Variants in SOCS7 observed in about 807,000 individuals in gnomAD.
SOCS7 encodes the protein NAP-4.
In SOCS7, 18 loss-of-function variants were observed where a neutral mutation model predicts 58.9. The observed-to-expected ratio is 0.31, with a 90% CI of 0.21 to 0.45. The LOEUF is 0.45. Ranked by LOEUF, SOCS7 falls within the 20% of genes least tolerant of loss-of-function variation. SOCS7 has a pLI of 1.00. For synonymous variants in SOCS7, 388 were observed against 364.3 expected (o/e 1.06, Z -0.74); for missense variants, 667 against 837.3 (o/e 0.80, Z 2.51).
chr17:38,354,661 T>C (rs1314055376), intron 1 of SOCS7, among the ~76,000 whole-genome samples: 3 of 152,196 alleles, frequency 2.0e-5, no homozygotes, highest in Non-Finnish European at 4.4e-5. Flanking sequence ...TGTGGTAGGC[T>C]CTGTATTCGA....
Position 38,352,756 on chromosome 17 carries a change from C to T in SOCS7, c.704C>T (p.Pro235Leu), listed in dbSNP as rs916534357. Residue 235 changes from proline (P) to leucine (L), a missense_variant, in exon 1 of 10, where the codon CCT becomes CTT. Transcript: ENST00000612932. This position sits in a 1 kb window ranked among gnomAD's most constrained non-coding sequence, Gnocchi z 5.5. ...PVPFPLQDLVPLGRLSRGEQQ... is the reference protein window; with the variant it reads ...PVPFPLQDLVLLGRLSRGEQQ... ...CCCTTCCCGCTGCAGGACTTGGTCC[C>T]TCTGGGGCGCCTGAGTAGAGGGGAG... 6 of 1,549,910 alleles carry T rather than the reference C, an allele frequency of 3.9e-6. No homozygotes were observed. Among genetic ancestry groups the T allele is most frequent in the Admixed American group, 2.0e-5 (1 of 51,022 alleles).
chr17:38,360,571 G>A (rs982420391), intron 1 of SOCS7, among the ~76,000 whole-genome samples: 27 of 147,386 alleles, frequency 1.8e-4, no homozygotes, highest in Non-Finnish European at 3.3e-4. Context: ...ACGGAGTCTC[G>A]CTCTGTCGCC....
At chr17:38,378,957 A>G (rs1466931620) in intron 7 of SOCS7, among the ~76,000 whole-genome samples, 1 of 152,056 alleles carries the variant, frequency 6.6e-6, no homozygotes, top group Non-Finnish European at 1.5e-5. Context: ...CAGGAGTTCA[A>G]GACCAGGCTG....
chr17:38,368,816 C>T (rs1358063335), intron 6 of SOCS7, among the ~76,000 whole-genome samples: 1 of 152,180 alleles, frequency 6.6e-6, no homozygotes, highest in Non-Finnish European at 1.5e-5. Context: ...GTCACTTTCT[C>T]CCAGGCAGCA....
chr17:38,373,500 G>A (rs2037893344), intron 6 of SOCS7, among the ~76,000 whole-genome samples: 1 of 152,266 alleles, frequency 6.6e-6, no homozygotes. Context: ...GGGGTAGGCT[G>A]ACTCTCTGGT....
At chr17:38,365,229 C>T in intron 3 of SOCS7, 79 bp from the exon 4 acceptor site, 2 of 1,079,770 alleles carry the variant, frequency 1.9e-6, no homozygotes, top group East Asian at 4.9e-5. Context: ...CCTGATAGTC[C>T]TTCTCCCTCT....
At chr17:38,361,037 C>T (rs2144322705) in intron 1 of SOCS7, among the ~76,000 whole-genome samples, 1 of 152,348 alleles carries the variant, frequency 6.6e-6, no homozygotes, top group South Asian at 2.1e-4. Context: ...GGTTTTCAGA[C>T]TGGTTCCCTG....
At chr17:38,367,096 C>T (rs936631414) in intron 5 of SOCS7, among the ~76,000 whole-genome samples, 5 of 152,190 alleles carry the variant, frequency 3.3e-5, no homozygotes, top group South Asian at 2.1e-4. Context: ...CTGAGTTTCG[C>T]TCTTGTTGCC....
intron 7 of SOCS7, among the ~76,000 whole-genome samples, chr17:38,379,728 CAG>C (rs1212906082): frequency 6.6e-6 from 1 of 152,122 alleles, no homozygotes; most frequent in Non-Finnish European, 1.5e-5. Flanking sequence ...AGTTTTGCCT[CAG>C]TGCTGTCAAC....
chr17:38,382,810 A>G (rs2038020653), intron 7 of SOCS7, among the ~76,000 whole-genome samples: 1 of 152,120 alleles, frequency 6.6e-6, no homozygotes, highest in Non-Finnish European at 1.5e-5. Flanking sequence ...CTTTAAGGAA[A>G]TTGGTTACTT....
At chr17:38,390,910 G>A (rs1053425519) in intron 7 of SOCS7, among the ~76,000 whole-genome samples, 5 of 151,982 alleles carry the variant, frequency 3.3e-5, no homozygotes, top group African/African-American at 1.2e-4. Flanking sequence ...TGCCCAGGCT[G>A]GTTTCTAACC....
intron 6 of SOCS7, among the ~76,000 whole-genome samples, chr17:38,376,316 C>T (rs1338850950): frequency 6.6e-6 from 1 of 152,102 alleles, no homozygotes; most frequent in Non-Finnish European, 1.5e-5. Flanking sequence ...CATGCCATTT[C>T]ACCTTACACG....
intron 1 of SOCS7, among the ~76,000 whole-genome samples, chr17:38,360,329 T>C (rs587738056): frequency 6.6e-6 from 1 of 151,134 alleles, no homozygotes; most frequent in African/African-American, 2.4e-5. Flanking sequence ...CCTGAGTAGC[T>C]GGGATTACAG....
chr17:38,390,367 T>A (rs2038154450), intron 7 of SOCS7, among the ~76,000 whole-genome samples: 1 of 152,134 alleles, frequency 6.6e-6, no homozygotes, highest in Non-Finnish European at 1.5e-5. Context: ...ACTTTGTTGT[T>A]TTTCAAGTTG....
chr17:38,381,974 AC>A lies in SOCS7; in HGVS notation c.1681+4134del, dbSNP rs1555570124. Reference sequence around the variant, plus strand: ...AAAAAAAAAAAAAAAAAAAAAAAAAACCTAAAAAAACTAAACCCCTAACACC... The same window carrying A: ...AAAAAAAAAAAAAAAAAAAAAAAAAACTAAAAAAACTAAACCCCTAACACC... On this transcript the variant is annotated intron_variant, in intron 7 of 9. Transcript: ENST00000612932. Among the ~76,000 whole-genome samples the A allele has an allele frequency of 6.9e-3, 736 of 106,268 alleles. 86 individuals are homozygous for A. Among genetic ancestry groups the A allele is most frequent in the African/African-American group, 0.039 (696 of 17,758 alleles). The allele number at this position is 106,268 out of a possible 152,430, so 69.7% of individuals were successfully genotyped here.
chr17:38,393,363 A>C (rs112173243), intron 7 of SOCS7, among the ~76,000 whole-genome samples: 3,931 of 152,202 alleles, frequency 0.026, 171 homozygotes, highest in African/African-American at 0.089. Context: ...TGGGCCGGGC[A>C]TGGTGGCTCA....
chr17:38,361,626 C>T (rs909156689), intron 1 of SOCS7, 85 bp from the exon 2 acceptor site: 2 of 994,190 alleles, frequency 2.0e-6, no homozygotes, highest in African/African-American at 1.6e-5. Flanking sequence ...TTTCTCAGTG[C>T]ATCTGGAACT....
intron 2 of SOCS7, 136 bp downstream of exon 2, chr17:38,361,911 G>A: frequency 1.5e-6 from 1 of 657,582 alleles, no homozygotes; most frequent in Non-Finnish European, 2.6e-6. Context: ...TGCTTAGTGG[G>A]TTTGGGGTGA....
rs1000710709 is a variant in SOCS7 at position 38,403,237 on chromosome 17, C to G, written c.*3755C>G. 6.6e-6 allele frequency: 1 copy of G among 152,214 alleles called. No individual in the cohort carries two copies. Among genetic ancestry groups the G allele is most frequent in the African/African-American group, 2.4e-5 (1 of 41,418 alleles). 9.4% of individuals were successfully genotyped at this position (152,214 alleles called of 1,614,324 possible). ...CACTTGGGCTAATGATGTAAGCCCC[C>G]CTTGAGGTTGGGGATGGTGTGGAGA... On this transcript the variant is annotated 3_prime_UTR_variant, in exon 10 of 10. Coordinates refer to ENST00000612932, the MANE Select transcript of SOCS7 (RefSeq NM_014598.4).
Sources: gnomAD v4.1 joint callset for allele counts (sites outside exome capture counted in the v4.1 genomes callset) on GRCh38, gnomAD v4.1.1 for gene constraint, Gnocchi (gnomAD v3.1) non-coding constraint, MANE v1.5 for transcripts, NCBI Gene and HGNC (gene_info 2026-07-23, HGNC 2026-07-21) for gene names.